Variants in STK3 observed in about 807,000 individuals in gnomAD.
The protein encoded by STK3 is serine/threonine-protein kinase 3.
A neutral mutation model predicts 58.0 loss-of-function variants in STK3; 41 were observed. The observed-to-expected ratio is 0.71, with a 90% CI of 0.55 to 0.92. The LOEUF is 0.92. STK3 is among the 40% of genes least tolerant of loss of function. The pLI is 0.00. For missense variants in STK3, 479 were observed against 602.7 expected (o/e 0.79, Z 2.15); for synonymous variants, 170 against 191.0 (o/e 0.89, Z 0.91).
At chr8:98,557,885 C>G (rs536476703) in intron 8 of STK3, among the ~76,000 whole-genome samples, 1 of 152,176 alleles carries the variant, frequency 6.6e-6, no homozygotes, top group South Asian at 2.1e-4. Context: ...TCATAAAAGA[C>G]TTATTCATCA....
rs538514410 is a variant in STK3 at position 98,594,144 on chromosome 8, G to A, written c.822+1888C>T. Among the ~76,000 whole-genome samples, 10 of 152,102 alleles carry A rather than the reference G, an allele frequency of 6.6e-5. No individual in the cohort carries two copies. The South Asian group carries it at 1.5e-3, about 22-fold the overall frequency. ...GTAACATGGCGAATCCTGTCTCTAC[G>A]AAACAGACAAAAGTTAGCTGGATGT... is the stretch of plus-strand genomic sequence containing the variant. On this transcript the variant is annotated intron_variant, in intron 7 of 10. Transcript: ENST00000419617.
chr8:98,452,883 C>T (rs541744171), downstream of STK3, among the ~76,000 whole-genome samples: 6 of 151,176 alleles, frequency 4.0e-5, no homozygotes, highest in South Asian at 1.3e-3. Context: ...CCCTTAGCCT[C>T]CCAAGTAGCT....
At chr8:98,717,326 TAAC>T (rs1827096628) in intron 4 of STK3, among the ~76,000 whole-genome samples, 1 of 151,950 alleles carries the variant, frequency 6.6e-6, no homozygotes, top group African/African-American at 2.4e-5. Context: ...TCCTAAAACT[TAAC>T]AATAAAAAAA....
chr8:98,602,156 G>A (rs1198992177), intron 6 of STK3: 2 of 152,126 alleles, frequency 1.3e-5, no homozygotes, highest in African/African-American at 4.8e-5. Context: ...CATTCTAAAT[G>A]CCCTGGATAA....
chr8:98,737,222 TATA>T (rs369632882), intron 4 of STK3, among the ~76,000 whole-genome samples: 84 of 152,258 alleles, frequency 5.5e-4, no homozygotes, highest in African/African-American at 1.8e-3. Context: ...TTTAAGTGAA[TATA>T]ATAATAAGAA....
intron 3 of STK3, among the ~76,000 whole-genome samples, chr8:98,841,521 A>G (rs1388848038): frequency 6.6e-6 from 1 of 151,772 alleles, no homozygotes; most frequent in African/African-American, 2.4e-5. Context: ...TAAGAACTCT[A>G]AAAAAAGAAA....
intron 10 of STK3, among the ~76,000 whole-genome samples, chr8:98,508,113 T>C (rs1300663218): frequency 2.0e-5 from 3 of 152,196 alleles, no homozygotes; most frequent in Admixed American, 2.0e-4. Context: ...CATGAATATC[T>C]AGAACAGTGC....
At chr8:98,675,645 G>A (rs1434338388) in intron 6 of STK3, among the ~76,000 whole-genome samples, 5 of 152,086 alleles carry the variant, frequency 3.3e-5, no homozygotes, top group African/African-American at 4.8e-5. Context: ...GGTGGATCAC[G>A]AGGTCAGGAG....
At chr8:98,690,585 T>A (rs779619539) in intron 6 of STK3, among the ~76,000 whole-genome samples, 6 of 152,022 alleles carry the variant, frequency 3.9e-5, no homozygotes, top group Non-Finnish European at 5.9e-5. Context: ...CGTTCCCAGG[T>A]TGGAAGAATC....
intron 6 of STK3, among the ~76,000 whole-genome samples, chr8:98,641,060 T>C (rs573559271): frequency 6.6e-6 from 1 of 152,124 alleles, no homozygotes; most frequent in South Asian, 2.1e-4. Flanking sequence ...TAATTTCCTT[T>C]ATTTACTACT....
At chr8:98,880,510 T>C (rs1237642283), downstream of STK3, 1 of 152,172 alleles carries the variant, frequency 6.6e-6, no homozygotes, top group Admixed American at 6.5e-5. Flanking sequence ...GGCATAGTAT[T>C]CTTCTGAAAA....
At chr8:98,604,337 G>A (rs902474841) in intron 6 of STK3, among the ~76,000 whole-genome samples, 2 of 152,216 alleles carry the variant, frequency 1.3e-5, no homozygotes, top group South Asian at 4.1e-4. Context: ...GGCTCCCAAA[G>A]CCTTCAGCCA....
chr8:98,424,462 G>T (rs932744434), intron 3 of STK3, among the ~76,000 whole-genome samples: 2 of 152,208 alleles, frequency 1.3e-5, no homozygotes, highest in Non-Finnish European at 2.9e-5. Flanking sequence ...GGCAAGAGCA[G>T]GGGCAGAGCT....
At chr8:98,352,818 C>T in the STK3 span, among the ~76,000 whole-genome samples, 1 of 152,248 alleles carries the variant, frequency 6.6e-6, no homozygotes, top group Non-Finnish European at 1.5e-5. Flanking sequence ...AATACAGCAT[C>T]TTAGGTGGAG....
chr8:98,459,408 A>C (rs1359822344), intron 10 of STK3, among the ~76,000 whole-genome samples: 4 of 152,220 alleles, frequency 2.6e-5, no homozygotes, highest in Non-Finnish European at 5.9e-5. Context: ...ATTGGAACTT[A>C]TGTTTAAAAG....
chr8:98,546,058 A>C (rs781689830), intron 9 of STK3, among the ~76,000 whole-genome samples: 1 of 152,152 alleles, frequency 6.6e-6, no homozygotes, highest in African/African-American at 2.4e-5. Flanking sequence ...TAAAAACAAA[A>C]AACACAGAAA....
rs570071211 is a variant in STK3 at position 98,803,082 on chromosome 8, C to T, written c.26+22433G>A. Among the ~76,000 whole-genome samples, 7 of 152,168 alleles carry T rather than the reference C, an allele frequency of 4.6e-5. No homozygotes were observed. In the East Asian group the frequency reaches 7.7e-4, roughly 17 times the overall value. On this transcript the variant is annotated intron_variant, in intron 1 of 10. Transcript: ENST00000419617. Reference sequence around the variant, plus strand: ...TTCCCTTGGGGTATGATTCTCTCTACGCTTTTGTTTCATACGGTTTCTCAA... The same window carrying T: ...TTCCCTTGGGGTATGATTCTCTCTATGCTTTTGTTTCATACGGTTTCTCAA...
intron 1 of STK3, among the ~76,000 whole-genome samples, chr8:98,785,557 C>A (rs1832408483): frequency 6.6e-6 from 1 of 152,182 alleles, no homozygotes; most frequent in African/African-American, 2.4e-5. Flanking sequence ...TTCCCTCTGC[C>A]CCCTCAGGGC....
intron 6 of STK3, among the ~76,000 whole-genome samples, chr8:98,705,154 C>A (rs1415754237): frequency 6.6e-6 from 1 of 152,154 alleles, no homozygotes; most frequent in Admixed American, 6.5e-5. Context: ...CTAGGCTGGG[C>A]ACACTGCTGT....
Sources: allele counts gnomAD v4.1 joint callset (sites outside exome capture counted in the v4.1 genomes callset), GRCh38; gene constraint gnomAD v4.1.1; transcripts MANE v1.5; gene names NCBI Gene and HGNC (gene_info 2026-07-23, HGNC 2026-07-21).